ANKFY1: variants seen among roughly 807,000 people sequenced by gnomAD.
The protein encoded by ANKFY1 is ankyrin repeat and FYVE domain-containing protein 1.
A neutral mutation model predicts 128.3 loss-of-function variants in ANKFY1; 47 were observed. That is an observed-to-expected ratio of 0.37 (90% CI 0.29 to 0.47). ANKFY1 has a LOEUF of 0.47. Among genes scored for constraint, ANKFY1 ranks in the 20% least tolerant of loss-of-function variants. The pLI is 1.00. For synonymous variants in ANKFY1, 553 were observed against 601.6 expected, an observed-to-expected ratio of 0.92 and a Z score of 1.18; for missense variants, 1,222 against 1,510.6, an observed-to-expected ratio of 0.81 and a Z score of 3.17.
intron 2 of ANKFY1, among the ~76,000 whole-genome samples, chr17:4,240,113 G>GC (rs1967126786): frequency 1.4e-5 from 2 of 144,378 alleles, no homozygotes; most frequent in East Asian, 4.1e-4. Flanking sequence ...TGCCCAGGCT[G>GC]CCGTGCAGTG....
In ANKFY1 at chr17:4,169,844, AG is replaced by A. The variant is rs1276664209; in HGVS notation, c.3287-557del. ...TAGTTTGGGAGTTACTAATGCAGACAGGAATGACAATCACTTGGATTTACTG... is the reference window on the plus strand; with the variant it reads ...TAGTTTGGGAGTTACTAATGCAGACAGAATGACAATCACTTGGATTTACTG... On this transcript the variant is annotated intron_variant, in intron 23 of 24. Transcript: ENST00000341657. The surrounding 1 kb of genome is among the most constrained non-coding windows in gnomAD (Gnocchi z 5.0). Among the ~76,000 whole-genome samples the A allele has an allele frequency of 2.0e-5, 3 of 152,240 alleles. No homozygotes were observed. Among genetic ancestry groups the A allele is most frequent in the African/African-American group, 7.2e-5 (3 of 41,458 alleles).
intron 11 of ANKFY1, chr17:4,187,000 T>G: frequency 8.2e-7 from 1 of 1,219,830 alleles, no homozygotes. Flanking sequence ...CGCAACTGTT[T>G]TTTTTAAATT....
chr17:4,209,758 C>G, intron 5 of ANKFY1, 66 bp downstream of exon 5: 1 of 1,525,288 alleles, frequency 6.6e-7, no homozygotes, highest in Non-Finnish European at 8.9e-7. Flanking sequence ...CATGGAACTA[C>G]GTCCCCAGCG....
Position 4,208,061 on chromosome 17 carries a change from A to T in ANKFY1, c.604T>A (p.Phe202Ile). The T allele has an allele frequency of 6.2e-7, 1 of 1,608,686 alleles. No individual in the cohort carries two copies. Among genetic ancestry groups the T allele is most frequent in the Non-Finnish European group, 8.5e-7 (1 of 1,177,938 alleles). ...AACAACTGAGCGCTCATGCTGCTGA[A>T]ATCCTCCTTCCTCAGGTCGTCCTGA... ...SHWDDLRKED[F>I]SSMSAQLLYK... The change falls in exon 6 of 25, where the codon TTC becomes ATC. Residue 202 changes from phenylalanine to isoleucine, a missense_variant. Phe to Ile is a conservative substitution (Grantham distance 21, BLOSUM62 0). Coordinates refer to ENST00000341657, the MANE Select transcript of ANKFY1 (RefSeq NM_001330063.2).
At position 4,167,505 on chromosome 17, in the gene ANKFY1, A is replaced by T; in HGVS notation, c.*274T>A. The stretch of plus-strand genomic sequence containing the variant: ...TGTATGTTGCTAGCAGAATGGGGAG[A>T]GGTCTAATTCCTAATCACATTTACC... On this transcript the variant is annotated 3_prime_UTR_variant, in exon 25 of 25. Transcript: ENST00000341657. The surrounding 1 kb of genome is among the most constrained non-coding windows in gnomAD (Gnocchi z 4.1). 3.3e-6 allele frequency: 1 copy of T among 299,190 alleles called. No homozygotes were observed. Among genetic ancestry groups the T allele is most frequent in the Non-Finnish European group, 6.1e-6 (1 of 162,792 alleles). 18.5% of individuals were successfully genotyped at this position (299,190 alleles called of 1,614,324 possible).
At chr17:4,257,404 A>T (rs2143557600) in intron 1 of ANKFY1, among the ~76,000 whole-genome samples, 1 of 152,286 alleles carries the variant, frequency 6.6e-6, no homozygotes, top group African/African-American at 2.4e-5. Flanking sequence ...CATGAGTCTC[A>T]GAATAAAATC....
chr17:4,225,295 T>A (rs1313558353), intron 3 of ANKFY1, among the ~76,000 whole-genome samples: 1 of 152,130 alleles, frequency 6.6e-6, no homozygotes, highest in African/African-American at 2.4e-5. Flanking sequence ...AGGCAGAGGT[T>A]GCAGTGACCC....
At chr17:4,262,633 G>A (rs886791162) in intron 1 of ANKFY1, among the ~76,000 whole-genome samples, 5 of 151,846 alleles carry the variant, frequency 3.3e-5, no homozygotes, top group Non-Finnish European at 7.4e-5. Context: ...CCTGGTCCCA[G>A]CTACTCAGGA....
intron 4 of ANKFY1, 27 bp from the exon 5 acceptor site, chr17:4,209,974 G>A: frequency 1.3e-6 from 2 of 1,592,186 alleles, no homozygotes; most frequent in Non-Finnish European, 8.6e-7. Context: ...ATCATGAGGA[G>A]TATTACTGGA....
At chr17:4,186,279 C>T (rs1468114861) in intron 11 of ANKFY1, 1 of 152,554 alleles carries the variant, frequency 6.6e-6, no homozygotes, top group Admixed American at 6.5e-5. Context: ...CAGAGTTATA[C>T]ATCATCACTT....
At chr17:4,199,900 T>C (rs921963627) in intron 7 of ANKFY1, among the ~76,000 whole-genome samples, 33 of 152,188 alleles carry the variant, frequency 2.2e-4, no homozygotes, top group African/African-American at 8.0e-4. Context: ...AAAATGTATG[T>C]TTCTTAAGAA....
At chr17:4,227,848 CA>C (rs2060450226) in intron 3 of ANKFY1, among the ~76,000 whole-genome samples, 1 of 152,034 alleles carries the variant, frequency 6.6e-6, no homozygotes, top group South Asian at 2.1e-4. Context: ...AAACAAAAAC[CA>C]AAACAACCTG....
At chr17:4,259,042 G>A (rs118190563) in intron 1 of ANKFY1, among the ~76,000 whole-genome samples, 2,930 of 152,264 alleles carry the variant, frequency 0.019, 33 homozygotes, top group Non-Finnish European at 0.03. Flanking sequence ...AGCATCAGGC[G>A]CTGTGGGAAA....
At position 4,170,794 on chromosome 17, in the gene ANKFY1, G is replaced by A. The variant is rs1224249338; in HGVS notation, c.3207C>T (p.Arg1069=). The A allele has an allele frequency of 6.2e-6, 10 of 1,614,058 alleles. No individual in the cohort carries two copies. Among genetic ancestry groups the A allele is most frequent in the South Asian group, 1.1e-5 (1 of 91,090 alleles). The change falls in exon 23 of 25, where the codon CGC becomes CGT. Residue 1069 remains arginine (R), a synonymous_variant. Transcript: ENST00000341657. ...CTCCCTGGTTGTTATTCACCCCGAG[G>A]CGAGCCCCCGACCGGACGATGGCGC... ...LCRAIVRSGA[R]LGVNNNQGVN...
chr17:4,242,105 AT>A (rs1567972520), intron 2 of ANKFY1, 150 bp downstream of exon 2: 4 of 662,086 alleles, frequency 6.0e-6, no homozygotes, highest in Non-Finnish European at 8.8e-6. Context: ...AAAAAAAAAA[AT>A]CTTGCCTCAA....
intron 8 of ANKFY1, among the ~76,000 whole-genome samples, chr17:4,195,901 T>G (rs963227564): frequency 6.6e-6 from 1 of 151,880 alleles, no homozygotes; most frequent in Admixed American, 6.6e-5. Flanking sequence ...AAAGCGGCAT[T>G]TAACCCCTTT....
chr17:4,226,541 C>T (rs916460421), intron 3 of ANKFY1, among the ~76,000 whole-genome samples: 4 of 151,554 alleles, frequency 2.6e-5, no homozygotes, highest in East Asian at 1.9e-4. Flanking sequence ...AAAAGGAGAA[C>T]GGGAGAGCAA....
intron 3 of ANKFY1, among the ~76,000 whole-genome samples, chr17:4,227,064 A>AT (rs1266595151): frequency 6.6e-6 from 1 of 152,220 alleles, no homozygotes; most frequent in African/African-American, 2.4e-5. Flanking sequence ...CAAAATACAT[A>AT]TTTTAAAAAT....
intron 2 of ANKFY1, among the ~76,000 whole-genome samples, chr17:4,240,714 C>A (rs1441333666): frequency 6.6e-6 from 1 of 152,180 alleles, no homozygotes; most frequent in African/African-American, 2.4e-5. Context: ...TCTTAAAACG[C>A]CACCCTGATT....
Sources: gnomAD v4.1 joint callset for allele counts (sites outside exome capture counted in the v4.1 genomes callset) on GRCh38, gnomAD v4.1.1 for gene constraint, Gnocchi (gnomAD v3.1) non-coding constraint, MANE v1.5 for transcripts, NCBI Gene and HGNC (gene_info 2026-07-23, HGNC 2026-07-21) for gene names.